The following PPARGC1A variants were observed in gnomAD, a reference collection of about 807,000 sequenced individuals.
The protein encoded by PPARGC1A is PPARG coactivator 1 alpha, also known as peroxisome proliferator-activated receptor gamma coactivator 1-alpha.
Under a neutral mutation model 88.7 loss-of-function variants are expected in PPARGC1A, and 25 were observed. The ratio of observed to expected loss-of-function variants is 0.28; its 90% confidence interval spans 0.21 to 0.39. The LOEUF is 0.39. Ranked by LOEUF, PPARGC1A falls within the 10% of genes least tolerant of loss-of-function variation. The probability of loss-of-function intolerance (pLI) is 1.00; values close to 1 mark genes in which losing one functional copy is unlikely to be tolerated. For synonymous variants in PPARGC1A, 363 were observed against 355.6 expected (o/e 1.02, Z -0.24); for missense variants, 880 against 968.7 (o/e 0.91, Z 1.22).
the PPARGC1A span, among the ~76,000 whole-genome samples, chr4:24,387,394 G>T: frequency 6.6e-6 from 1 of 152,098 alleles, no homozygotes; most frequent in Non-Finnish European, 1.5e-5. Context: ...TTGACCAATG[G>T]AATGTAATTA....
the PPARGC1A span, among the ~76,000 whole-genome samples, chr4:24,411,763 A>G: frequency 6.6e-6 from 1 of 152,076 alleles, no homozygotes; most frequent in Non-Finnish European, 1.5e-5. Flanking sequence ...AGTTGGAATC[A>G]CAGAGTATGC....
At chr4:23,903,725 A>G (rs1013491508), upstream of PPARGC1A, among the ~76,000 whole-genome samples, 32 of 152,314 alleles carry the variant, frequency 2.1e-4, no homozygotes, top group African/African-American at 7.5e-4. Flanking sequence ...CTTGAAATGC[A>G]TGGTCATAAT....
the PPARGC1A span, among the ~76,000 whole-genome samples, chr4:24,238,921 C>A: frequency 6.6e-6 from 1 of 152,006 alleles, no homozygotes; most frequent in Non-Finnish European, 1.5e-5. Flanking sequence ...TTGAGACATT[C>A]TTTGGGAATT....
intron 1 of PPARGC1A, among the ~76,000 whole-genome samples, chr4:23,896,155 A>G (rs1718576978): frequency 6.6e-6 from 1 of 152,124 alleles, no homozygotes. Flanking sequence ...AGAAAGAAGA[A>G]GAGGATGAGG....
At chr4:24,075,459 G>T in the PPARGC1A span, among the ~76,000 whole-genome samples, 2 of 152,184 alleles carry the variant, frequency 1.3e-5, no homozygotes, top group African/African-American at 4.8e-5. Flanking sequence ...ATATTTGGAA[G>T]AAATAACAAA....
At chr4:24,285,827 C>T in the PPARGC1A span, among the ~76,000 whole-genome samples, 1 of 152,184 alleles carries the variant, frequency 6.6e-6, no homozygotes, top group African/African-American at 2.4e-5. Context: ...CCACCACTTC[C>T]AATGCAGTCA....
At chr4:23,802,733 A>AATCATGC (rs1719040957) in intron 10 of PPARGC1A, among the ~76,000 whole-genome samples, 1 of 151,876 alleles carries the variant, frequency 6.6e-6, no homozygotes, top group African/African-American at 2.4e-5. Flanking sequence ...ATAAATGTAC[A>AATCATGC]ATCATGCATA....
chr4:24,297,375 G>A, the PPARGC1A span, among the ~76,000 whole-genome samples: 4 of 151,998 alleles, frequency 2.6e-5, no homozygotes, highest in African/African-American at 7.2e-5. Context: ...GCTTTAATAC[G>A]TATTCTTCTC....
the PPARGC1A span, among the ~76,000 whole-genome samples, chr4:24,123,597 C>A: frequency 6.6e-6 from 1 of 152,214 alleles, no homozygotes; most frequent in Non-Finnish European, 1.5e-5. Flanking sequence ...ATATTCCATG[C>A]TAAAGAGTTT....
At chr4:24,134,935 T>C in the PPARGC1A span, among the ~76,000 whole-genome samples, 1 of 152,172 alleles carries the variant, frequency 6.6e-6, no homozygotes, top group Non-Finnish European at 1.5e-5. Context: ...TGTGCCTTCA[T>C]TAAGACTTTT....
At chr4:24,323,738 C>A in the PPARGC1A span, among the ~76,000 whole-genome samples, 1 of 152,168 alleles carries the variant, frequency 6.6e-6, no homozygotes, top group African/African-American at 2.4e-5. Context: ...TGACTCGGAT[C>A]GGGGGACCTC....
the PPARGC1A span, among the ~76,000 whole-genome samples, chr4:24,220,962 C>T: frequency 1.2e-3 from 180 of 152,228 alleles, 1 homozygote; most frequent in African/African-American, 3.9e-3. Flanking sequence ...TCCTACTCAC[C>T]CACTCATCCC....
chr4:23,997,068 G>GCCATATT, the PPARGC1A span, among the ~76,000 whole-genome samples: 12 of 152,138 alleles, frequency 7.9e-5, no homozygotes, highest in Non-Finnish European at 1.5e-4. Context: ...TAGTATATGT[G>GCCATATT]CCATATTTGC....
the PPARGC1A span, among the ~76,000 whole-genome samples, chr4:24,388,565 C>A: frequency 1.9e-4 from 29 of 152,236 alleles, no homozygotes; most frequent in African/African-American, 6.7e-4. Flanking sequence ...AACTTGGAAC[C>A]AACCCAAATG....
At chr4:24,279,284 T>A in the PPARGC1A span, among the ~76,000 whole-genome samples, 2 of 152,156 alleles carry the variant, frequency 1.3e-5, no homozygotes, top group African/African-American at 4.8e-5. Context: ...AGCCTTGAGT[T>A]GACTAAATGC....
the PPARGC1A span, among the ~76,000 whole-genome samples, chr4:24,330,489 A>G: frequency 2.0e-5 from 3 of 152,178 alleles, no homozygotes; most frequent in Admixed American, 6.5e-5. Flanking sequence ...AGGCACGTAC[A>G]TGAAGGCACT....
chr4:23,840,842 G>A (rs967502650), intron 2 of PPARGC1A, among the ~76,000 whole-genome samples: 5 of 151,774 alleles, frequency 3.3e-5, no homozygotes, highest in Admixed American at 1.3e-4. Context: ...TCCTATCCTC[G>A]GACAATTTGT....
chr4:24,183,220 G>T, the PPARGC1A span, among the ~76,000 whole-genome samples: 1 of 152,182 alleles, frequency 6.6e-6, no homozygotes, highest in African/African-American at 2.4e-5. Context: ...ACTTCTAAGT[G>T]CCAGACACTG....
rs777143126 is a variant in PPARGC1A at position 23,795,795 on chromosome 4, C to T, written c.*27G>A. On this transcript the variant is annotated 3_prime_UTR_variant, in exon 13 of 13. Transcript: ENST00000264867. ...CTGTCCCATGAGGTATTCGCCATCCCTCTGTCATCCTCAGCTAGGGAACAT... is the reference window on the plus strand; with the variant it reads ...CTGTCCCATGAGGTATTCGCCATCCTTCTGTCATCCTCAGCTAGGGAACAT... 1.3e-6 allele frequency: 2 copies of T among 1,562,242 alleles called. No individual in the cohort carries two copies. Among genetic ancestry groups the T allele is most frequent in the African/African-American group, 2.8e-5 (2 of 72,720 alleles).
Sources: allele counts gnomAD v4.1 joint callset (sites outside exome capture counted in the v4.1 genomes callset), GRCh38; gene constraint gnomAD v4.1.1; transcripts MANE v1.5; gene names NCBI Gene and HGNC (gene_info 2026-07-23, HGNC 2026-07-21).